Variants in EBF3 observed in about 807,000 individuals in gnomAD.
The protein encoded by EBF3 is transcription factor COE3.
EBF3 carries 18 observed loss-of-function variants against 77.1 expected under a neutral mutation model. The ratio of observed to expected loss-of-function variants is 0.23; its 90% CI spans 0.16 to 0.35. The LOEUF (loss-of-function observed/expected upper bound fraction) is 0.35. Among genes scored for constraint, EBF3 ranks in the 10% least tolerant of loss-of-function variants. The pLI is 1.00. For missense variants in EBF3, 558 were observed against 860.0 expected (o/e 0.65, Z 4.39); for synonymous variants, 350 against 343.5 (o/e 1.02, Z -0.21).
In EBF3 at chr10:129,885,359, G is replaced by C. The variant is rs1853498228; in HGVS notation, c.555-7510C>G. On this transcript the variant is annotated intron_variant, in intron 6 of 16. Transcript: ENST00000440978. The surrounding 1 kb of genome is among the most constrained non-coding windows in gnomAD (Gnocchi z 4.0). ...TGTTCAGATAAGTAAAATCCAGGTAGACACTCTAAAGGCAAGTACATCCCA... is the reference window on the plus strand; with the variant it reads ...TGTTCAGATAAGTAAAATCCAGGTACACACTCTAAAGGCAAGTACATCCCA... Among the ~76,000 whole-genome samples, 1 of 152,138 alleles carries C rather than the reference G, an allele frequency of 6.6e-6. No individual in the cohort carries two copies. Among genetic ancestry groups the C allele is most frequent in the Non-Finnish European group, 1.5e-5 (1 of 68,038 alleles).
In EBF3 at chr10:129,863,489, A is replaced by AGCCCCTCCCAGCCTCTGGCGGGCG. The variant is rs1851780783; in HGVS notation, c.1039+3628_1039+3651dup. On this transcript the variant is annotated intron_variant, in intron 10 of 16. Transcript: ENST00000440978. This position sits in a 1 kb window ranked among gnomAD's most constrained non-coding sequence, Gnocchi z 4.0. The stretch of plus-strand genomic sequence containing the variant: ...AACAGATCATTGAGGCCCTTTGCAA[A>AGCCCCTCCCAGCCTCTGGCGGGCG]GCCCCTCCCAGCCTCTGGCGGGCGG... 2.0e-5 allele frequency among the ~76,000 whole-genome samples: 3 copies of AGCCCCTCCCAGCCTCTGGCGGGCG among 152,320 alleles called. No individual in the cohort carries two copies. The South Asian group carries it at 6.2e-4, about 32-fold the overall frequency.
chr10:129,871,210 A>C (rs1852383897), intron 8 of EBF3, among the ~76,000 whole-genome samples: 1 of 152,206 alleles, frequency 6.6e-6, no homozygotes, highest in Non-Finnish European at 1.5e-5. Flanking sequence ...GGAAGGTTTA[A>C]ACAGGGTTGG....
rs1326887749 is a variant in EBF3 at position 129,861,173 on chromosome 10, G to T, written c.1039+5968C>A. 6.6e-6 allele frequency among the ~76,000 whole-genome samples: 1 copy of T among 152,156 alleles called. No individual in the cohort carries two copies. Among genetic ancestry groups the T allele is most frequent in the African/African-American group, 2.4e-5 (1 of 41,444 alleles). On this transcript the variant is annotated intron_variant, in intron 10 of 16. Coordinates refer to ENST00000440978, the MANE Select transcript of EBF3 (RefSeq NM_001375380.1). This position sits in a 1 kb window ranked among gnomAD's most constrained non-coding sequence, Gnocchi z 4.3. The stretch of plus-strand genomic sequence containing the variant: ...TGGGTTGATGCTGTGCCGTAGCAGT[G>T]GGGAGGACAGCGGTGGGAGCCTGCC...
At position 129,861,171 on chromosome 10, in the gene EBF3, G is replaced by T. The variant is rs1037878562; in HGVS notation, c.1039+5970C>A. Among the ~76,000 whole-genome samples, 1 of 152,176 alleles carries T rather than the reference G, an allele frequency of 6.6e-6. No homozygotes were observed. Among genetic ancestry groups the T allele is most frequent in the Non-Finnish European group, 1.5e-5 (1 of 68,034 alleles). On this transcript the variant is annotated intron_variant, in intron 10 of 16. Coordinates refer to ENST00000440978, the MANE Select transcript of EBF3 (RefSeq NM_001375380.1). This position sits in a 1 kb window ranked among gnomAD's most constrained non-coding sequence, Gnocchi z 4.3. ...TTTGGGTTGATGCTGTGCCGTAGCA[G>T]TGGGGAGGACAGCGGTGGGAGCCTG...
chr10:129,851,561 AAACGTATTGTAAGCTCCC>A (rs1850884989), intron 10 of EBF3, among the ~76,000 whole-genome samples: 1 of 152,238 alleles, frequency 6.6e-6, no homozygotes, highest in Admixed American at 6.5e-5. Flanking sequence ...AAATTTTGAG[AAACGTATTGTAAGCTCCC>A]AACTTTCTGC....
chr10:129,905,700 T>G (rs575366436), intron 6 of EBF3, among the ~76,000 whole-genome samples: 1 of 152,268 alleles, frequency 6.6e-6, no homozygotes, highest in Admixed American at 6.5e-5. Flanking sequence ...AACCGCAGCA[T>G]CAGCCTCTCC....
chr10:129,861,989 C>A lies in EBF3; in HGVS notation c.1039+5152G>T, dbSNP rs117425756. On this transcript the variant is annotated intron_variant, in intron 10 of 16. Coordinates refer to ENST00000440978, the MANE Select transcript of EBF3 (RefSeq NM_001375380.1). The surrounding 1 kb of genome is among the most constrained non-coding windows in gnomAD (Gnocchi z 4.3). ...CTCAATGCACACAAAAGATCTTTAA[C>A]ACACTTAAGAACCATGAGTGCTTTC... Among the ~76,000 whole-genome samples the A allele has an allele frequency of 0.016, 2,429 of 152,250 alleles. 28 individuals carry two copies. Among genetic ancestry groups the A allele is most frequent in the Non-Finnish European group, 0.028 (1,878 of 68,020 alleles).
At position 129,843,183 on chromosome 10, in the gene EBF3, G is replaced by A. The variant is rs546805685; in HGVS notation, c.1148C>T (p.Ala383Val). The A allele has an allele frequency of 3.7e-6, 6 of 1,612,910 alleles. No individual in the cohort carries two copies. In the Admixed American group the frequency reaches 5.0e-5, roughly 13 times the overall value. Reference protein sequence around the residue: ...RLPKEVLLKRAADLVEALYGM... With the variant: ...RLPKEVLLKRVADLVEALYGM... ...GTATAAGGCTTCCACCAGGTCCGCC[G>A]CCCGCTTCAGTAACACCTCCTAAAG... The change falls in exon 12 of 17, where the codon GCG (alanine) becomes GTG (valine). Residue 383 changes from alanine (A) to valine (V), a missense_variant. Physicochemically the swap from Ala to Val is moderately conservative, Grantham distance 64 (BLOSUM62 0). Around this residue, in one of 5 missense-constraint regions of EBF3, gnomAD observed 284 missense variants for 368.3 expected, o/e 0.77. Coordinates refer to ENST00000440978, the MANE Select transcript of EBF3 (RefSeq NM_001375380.1).
chr10:129,896,142 TGAA>T (rs1380158605), intron 6 of EBF3, among the ~76,000 whole-genome samples: 1 of 138,826 alleles, frequency 7.2e-6, no homozygotes, highest in Non-Finnish European at 1.5e-5. Flanking sequence ...AAGATTATTA[TGAA>T]GAAGTCAAAA....
At chr10:129,886,728 G>A (rs1350002156) in intron 6 of EBF3, among the ~76,000 whole-genome samples, 1 of 152,074 alleles carries the variant, frequency 6.6e-6, no homozygotes, top group Non-Finnish European at 1.5e-5. Flanking sequence ...AGAGCTGACT[G>A]GGTTTCTTTC....
intron 6 of EBF3, among the ~76,000 whole-genome samples, chr10:129,929,726 GC>G (rs1376325947): frequency 1.3e-5 from 2 of 152,166 alleles, no homozygotes; most frequent in African/African-American, 4.8e-5. Context: ...CATCAAGGTG[GC>G]ATCCTCAAAA....
At chr10:129,838,721 T>G (rs1849788762) in intron 16 of EBF3, among the ~76,000 whole-genome samples, 1 of 152,288 alleles carries the variant, frequency 6.6e-6, no homozygotes, top group African/African-American at 2.4e-5. Flanking sequence ...GTTTAATTTT[T>G]GTCAGAATGA....
chr10:129,837,870 C>A lies in EBF3; in HGVS notation c.*73G>T. The A allele has an allele frequency of 1.2e-6, 2 of 1,606,580 alleles. No homozygotes were observed. The highest frequency in any genetic ancestry group is 1.7e-6 in the Non-Finnish European group (2 of 1,173,444). ...CATCAGCATGTCTTAATATACTAAA[C>A]GTGTCCCCTGAAGTCCGTCCTTTGA... On this transcript the variant is annotated 3_prime_UTR_variant, in exon 17 of 17. Transcript: ENST00000440978.
Position 129,837,770 on chromosome 10 carries a change from A to AGTTT in EBF3, c.*169_*172dup. ...GGCTGTTTGCATGTTGATTCTTAAT[A>AGTTT]GTTTAAATAAAATCTTTAAACAAAG... On this transcript the variant is annotated 3_prime_UTR_variant, in exon 17 of 17. Coordinates refer to ENST00000440978, the MANE Select transcript of EBF3 (RefSeq NM_001375380.1). 1.3e-6 allele frequency: 1 copy of AGTTT among 763,550 alleles called. No individual in the cohort carries two copies. Among genetic ancestry groups the AGTTT allele is most frequent in the Non-Finnish European group, 2.1e-6 (1 of 469,218 alleles). 47.3% of individuals were successfully genotyped at this position (763,550 alleles called of 1,614,324 possible). A position where few individuals can be genotyped will look rare whatever the true frequency, so the allele number is the denominator to read the frequency against.
At chr10:129,878,839 A>AAAAAAAAAAAAG (rs1564849972) in intron 6 of EBF3, among the ~76,000 whole-genome samples, 2 of 146,836 alleles carry the variant, frequency 1.4e-5, no homozygotes, top group African/African-American at 2.5e-5. Flanking sequence ...AAAAAAAAAA[A>AAAAAAAAAAAAG]AAAAAAATCT....
At chr10:129,839,232 AT>A (rs749360049) in intron 15 of EBF3, 37 bp from the exon 16 acceptor site, 1 of 968,814 alleles carries the variant, frequency 1.0e-6, no homozygotes, top group South Asian at 1.3e-5. Flanking sequence ...TACTGGTTGA[AT>A]GGGTTCATGT....
At chr10:129,872,935 A>G (rs1463436451) in intron 8 of EBF3, among the ~76,000 whole-genome samples, 1 of 146,488 alleles carries the variant, frequency 6.8e-6, no homozygotes, top group Non-Finnish European at 1.5e-5. Context: ...GCATTTGGTT[A>G]AAAAAAAAAA....
chr10:129,918,239 G>A (rs1348537296), intron 6 of EBF3, among the ~76,000 whole-genome samples: 1 of 152,230 alleles, frequency 6.6e-6, no homozygotes, highest in Admixed American at 6.5e-5. Context: ...TCATGTCACA[G>A]CTTAGTTCCT....
chr10:129,844,183 C>T (rs1440574291), intron 11 of EBF3, among the ~76,000 whole-genome samples: 8 of 152,134 alleles, frequency 5.3e-5, no homozygotes, highest in Non-Finnish European at 1.0e-4. Flanking sequence ...TGGCCTCCTG[C>T]GGACCCCAGG....
Sources: allele counts gnomAD v4.1 joint callset (sites outside exome capture counted in the v4.1 genomes callset), GRCh38; gene constraint gnomAD v4.1.1; regional missense constraint gnomAD v4.1.1; non-coding constraint Gnocchi (gnomAD v3.1); transcripts MANE v1.5; gene names NCBI Gene and HGNC (gene_info 2026-07-23, HGNC 2026-07-21).